Variants in ADAMTS10 observed in about 807,000 individuals in gnomAD.
ADAMTS10 encodes A disintegrin and metalloproteinase with thrombospondin motifs 10.
In ADAMTS10, 48 loss-of-function variants were observed where a neutral mutation model predicts 135.9. The ratio of observed to expected loss-of-function variants is 0.35; its 90% CI spans 0.28 to 0.45. The LOEUF is 0.45. ADAMTS10 is among the 20% of genes least tolerant of loss of function. The pLI, the probability that ADAMTS10 is intolerant of heterozygous loss-of-function variation, is 1.00. For missense variants in ADAMTS10, 1,131 were observed against 1,565.2 expected (o/e 0.72, Z 4.68); for synonymous variants, 621 against 647.5 (o/e 0.96, Z 0.62).
At chr19:8,603,999 TTC>T in intron 4 of ADAMTS10, 115 bp from the exon 5 acceptor site, 3 of 1,136,996 alleles carry the variant, frequency 2.6e-6, no homozygotes, top group Non-Finnish European at 2.4e-6. Flanking sequence ...ATTTTGCTAT[TTC>T]TTTTTTTTTT....
chr19:8,599,321 CCTAT>C (rs1180419034), intron 6 of ADAMTS10, among the ~76,000 whole-genome samples: 7 of 126,200 alleles, frequency 5.5e-5, no homozygotes, highest in African/African-American at 2.5e-5. Context: ...CTGTGAGCTA[CCTAT>C]CTATCATCTA....
At chr19:8,606,126 T>A (rs781822761) in intron 2 of ADAMTS10, among the ~76,000 whole-genome samples, 6 of 152,204 alleles carry the variant, frequency 3.9e-5, no homozygotes, top group Admixed American at 1.3e-4. Context: ...AGTGTTGTGA[T>A]CATAGCTCAC....
chr19:8,589,588 G>T lies in ADAMTS10; in HGVS notation c.1901-3C>A. On this transcript the variant is annotated splice_region_variant and splice_polypyrimidine_tract_variant and intron_variant, in intron 16 of 25. Transcript: ENST00000597188. ...GAGCGAGCAGGCCTTCACGCCCCCT[G>T]GGGGGCACGGCCCCGTCACACCACG... is the stretch of plus-strand genomic sequence containing the variant. The T allele has an allele frequency of 6.2e-7, 1 of 1,613,174 alleles. No homozygotes were observed. The highest frequency in any genetic ancestry group is 8.5e-7 in the Non-Finnish European group (1 of 1,179,956).
chr19:8,600,828 G>A (rs530763733), intron 6 of ADAMTS10, 100 bp downstream of exon 6: 28 of 1,442,948 alleles, frequency 1.9e-5, no homozygotes, highest in South Asian at 4.6e-5. Flanking sequence ...CTGTCCCCAC[G>A]TCAGGGATTG....
rs553540082 is a variant in ADAMTS10 at position 8,587,530 on chromosome 19, G to A, written c.2159-634C>T. Among the ~76,000 whole-genome samples, 269 of 148,790 alleles carry A rather than the reference G, an allele frequency of 1.8e-3. 1 individual carries two copies. The highest frequency in any genetic ancestry group is 3.5e-3 in the Middle Eastern group (1 of 288). On this transcript the variant is annotated intron_variant, in intron 18 of 25. Transcript: ENST00000597188. ...CACCCAGGTTGGAGTGCAGTGGTGCGATCATAGGTTACTGCAGCCTTGACC... is the reference window on the plus strand; with the variant it reads ...CACCCAGGTTGGAGTGCAGTGGTGCAATCATAGGTTACTGCAGCCTTGACC...
intron 13 of ADAMTS10, chr19:8,592,348 C>A (rs1337450719): frequency 1.4e-6 from 1 of 737,286 alleles, no homozygotes; most frequent in Non-Finnish European, 2.2e-6. Flanking sequence ...GACAGGACCA[C>A]GATAAGCGTG....
Position 8,605,767 on chromosome 19 carries a change from T to C in ADAMTS10, c.-57A>G. 1 of 1,553,474 alleles carries C rather than the reference T, an allele frequency of 6.4e-7. No individual in the cohort carries two copies. The highest frequency in any genetic ancestry group is 8.7e-7 in the Non-Finnish European group (1 of 1,153,480). ...CCCCGGCTGCCGGCAGCCCCCACAG[T>C]GCCGCCTCCCCTGTTCACAGCCTTC... On this transcript the variant is annotated 5_prime_UTR_variant, in exon 3 of 26. Transcript: ENST00000597188. The surrounding 1 kb of genome is among the most constrained non-coding windows in gnomAD (Gnocchi z 7.7).
intron 4 of ADAMTS10, 197 bp downstream of exon 4, chr19:8,604,815 A>ATTAATT: frequency 3.1e-6 from 2 of 652,868 alleles, no homozygotes; most frequent in Non-Finnish European, 5.2e-6. Context: ...TGTTTAGCTC[A>ATTAATT]TTAATTTTCA....
At chr19:8,582,626 G>A (rs1278016430) in intron 25 of ADAMTS10, 1 of 151,858 alleles carries the variant, frequency 6.6e-6, no homozygotes, top group Non-Finnish European at 1.5e-5. Flanking sequence ...AGCGGCCAGT[G>A]ATTTATGGCA....
At chr19:8,589,186 A>G in intron 18 of ADAMTS10, 56 bp downstream of exon 18, 2 of 1,609,112 alleles carry the variant, frequency 1.2e-6, no homozygotes, top group Admixed American at 3.3e-5. Context: ...GATCAGTTCC[A>G]CCTGCAGTCA....
chr19:8,603,476 GT>G (rs2042688082), intron 5 of ADAMTS10, among the ~76,000 whole-genome samples: 1 of 152,146 alleles, frequency 6.6e-6, no homozygotes, highest in Non-Finnish European at 1.5e-5. Flanking sequence ...GTTTCGCCAT[GT>G]TGGTCAGGCT....
chr19:8,592,061 C>T lies in ADAMTS10; in HGVS notation c.1630G>A (p.Glu544Lys). ...GGCCCCCAGGCTCCGTCCACACCCT[C>T]TGGGCGCGACCCAAAGGGGACACAG... Reference protein sequence around the residue: ...RVCVPFGSRPEGVDGAWGPWT... With the variant: ...RVCVPFGSRPKGVDGAWGPWT... The change falls in exon 14 of 26, where the codon GAG becomes AAG. Residue 544 changes from glutamate to lysine, a missense_variant. Physicochemically the swap from Glu to Lys is moderately conservative, Grantham distance 56. Transcript: ENST00000597188. 1.9e-6 allele frequency: 3 copies of T among 1,613,668 alleles called. No individual in the cohort carries two copies. The highest frequency in any genetic ancestry group is 2.5e-6 in the Non-Finnish European group (3 of 1,179,828).
At chr19:8,604,980 T>C in intron 4 of ADAMTS10, 32 bp downstream of exon 4, 1 of 1,560,534 alleles carries the variant, frequency 6.4e-7, no homozygotes, top group East Asian at 2.4e-5. Flanking sequence ...CTTATGGGCA[T>C]TTCCCCCCGC....
rs782096481 is a variant in ADAMTS10, at chr19:8,585,059, G to A, written c.3043-5C>T. The A allele has an allele frequency of 1.6e-5, 24 of 1,516,766 alleles. No homozygotes were observed. The Admixed American group carries it at 2.8e-4, about 18-fold the overall frequency. 94.0% of individuals were successfully genotyped at this position (1,516,766 alleles called of 1,614,324 possible). A position where few individuals can be genotyped will look rare whatever the true frequency, so the allele number is the denominator to read the frequency against. ...GACGCCGCACTGTGCAGAGCACTGC[G>A]AGGGGGCACCACTCAGTTGCTGCCC... is the stretch of plus-strand genomic sequence containing the variant. On this transcript the variant is annotated splice_region_variant and splice_polypyrimidine_tract_variant and intron_variant, in intron 24 of 25. Transcript: ENST00000597188.
At chr19:8,595,698 T>TGCCGC in intron 12 of ADAMTS10, 64 bp downstream of exon 12, 7 of 1,291,944 alleles carry the variant, frequency 5.4e-6, no homozygotes, top group South Asian at 1.2e-5. Context: ...CTGGTGGAGT[T>TGCCGC]CCCTCCCCCA....
At chr19:8,592,526 C>T (rs556368735) in intron 13 of ADAMTS10, among the ~76,000 whole-genome samples, 1 of 148,352 alleles carries the variant, frequency 6.7e-6, no homozygotes, top group African/African-American at 2.5e-5. Context: ...GTGGCCAACG[C>T]GGGAGGGAGT....
In ADAMTS10 at chr19:8,584,643, G is replaced by A. The variant is rs79674609; in HGVS notation, c.3202+252C>T. ...CTACAGGTGGAGATGAATAGGTACA[G>A]GTTATGAAAGTGACTGGGGAAATGT... On this transcript the variant is annotated intron_variant, in intron 25 of 25. Transcript: ENST00000597188. 0.029 allele frequency among the ~76,000 whole-genome samples: 4,440 copies of A among 152,292 alleles called. 221 individuals carry two copies. Among genetic ancestry groups the A allele is most frequent in the African/African-American group, 0.1 (4,141 of 41,550 alleles).
intron 12 of ADAMTS10, among the ~76,000 whole-genome samples, chr19:8,594,782 G>GGGTCAC (rs1555739812): frequency 6.6e-6 from 1 of 152,216 alleles, no homozygotes; most frequent in Admixed American, 6.5e-5. Flanking sequence ...CAGACACCAT[G>GGGTCAC]ATCATTGTTA....
At chr19:8,592,736 C>A (rs782358745) in intron 13 of ADAMTS10, 27 bp downstream of exon 13, 4 of 1,597,178 alleles carry the variant, frequency 2.5e-6, no homozygotes, top group Non-Finnish European at 3.4e-6. Flanking sequence ...GGGCGTGGCC[C>A]AGTTGGGGGC....
Sources: allele counts gnomAD v4.1 joint callset (sites outside exome capture counted in the v4.1 genomes callset), GRCh38; gene constraint gnomAD v4.1.1; non-coding constraint Gnocchi (gnomAD v3.1); transcripts MANE v1.5; gene names NCBI Gene and HGNC (gene_info 2026-07-23, HGNC 2026-07-21).